Variants in PTPN18 observed in about 807,000 individuals in gnomAD.
The protein encoded by PTPN18 is tyrosine-protein phosphatase non-receptor type 18.
In PTPN18, 65 loss-of-function variants were observed where a neutral mutation model predicts 65.4. The ratio of observed to expected loss-of-function variants is 0.99; its 90% CI spans 0.81 to 1.22. The LOEUF is 1.22. Ranked by LOEUF, PTPN18 falls within the 50% of genes most tolerant of loss-of-function variation. The pLI is 0.00. For synonymous variants in PTPN18, 255 were observed against 267.8 expected (o/e 0.95, Z 0.47); for missense variants, 616 against 646.5 (o/e 0.95, Z 0.51).
chr2:130,364,101 T>G (rs933790699), intron 5 of PTPN18, among the ~76,000 whole-genome samples: 1 of 152,216 alleles, frequency 6.6e-6, no homozygotes, highest in Admixed American at 6.5e-5. Flanking sequence ...ATTTAAACCA[T>G]TTCAAGTGTA....
intron 11 of PTPN18, 80 bp downstream of exon 11, chr2:130,371,044 G>A (rs529858372): frequency 8.9e-6 from 13 of 1,460,484 alleles, no homozygotes; most frequent in Non-Finnish European, 1.1e-5. Flanking sequence ...TCCAGCCCCC[G>A]GGACTACTGG....
At chr2:130,370,024 T>G (rs756325211) in intron 7 of PTPN18, 24 bp from the exon 8 acceptor site, 3 of 1,611,728 alleles carry the variant, frequency 1.9e-6, no homozygotes. Context: ...CTAAGTCTTT[T>G]GCTCATCTTT....
At chr2:130,356,699 T>G (rs759771484) in intron 1 of PTPN18, 86 of 449,984 alleles carry the variant, frequency 1.9e-4, no homozygotes, top group Non-Finnish European at 8.9e-5. Context: ...CCGAATCCGC[T>G]TCCCGTCCCG....
chr2:130,369,209 G>A lies in PTPN18; in HGVS notation c.483+8G>A. The A allele has an allele frequency of 1.2e-6, 2 of 1,611,110 alleles. No individual in the cohort carries two copies. The highest frequency in any genetic ancestry group is 2.2e-5 in the East Asian group (1 of 44,818). On this transcript the variant is annotated splice_region_variant and intron_variant, in intron 6 of 14. Transcript: ENST00000175756. Reference sequence around the variant, plus strand: ...CTTTTCTGCATCACTCTGGTGAGCTGTGGGAGTTTTCAAGGAAGATTCCCA... The same window carrying A: ...CTTTTCTGCATCACTCTGGTGAGCTATGGGAGTTTTCAAGGAAGATTCCCA...
rs2104959521 is a variant in PTPN18 at position 130,374,137 on chromosome 2, T to C, written c.*913T>C. 1 of 153,656 alleles carries C rather than the reference T, an allele frequency of 6.5e-6. No individual in the cohort carries two copies. The highest frequency in any genetic ancestry group is 3.4e-3 in the Middle Eastern group (1 of 296). 9.5% of individuals were successfully genotyped at this position (153,656 alleles called of 1,614,324 possible). The stretch of plus-strand genomic sequence containing the variant: ...GATGTCTTGATGGATGGACCCCAGC[T>C]AGTCAGACATGATCCTCCAGATTGA... On this transcript the variant is annotated 3_prime_UTR_variant, in exon 15 of 15. Coordinates refer to ENST00000175756, the MANE Select transcript of PTPN18 (RefSeq NM_014369.4).
intron 14 of PTPN18, 44 bp downstream of exon 14, chr2:130,372,991 A>G: frequency 6.2e-7 from 1 of 1,609,140 alleles, no homozygotes; most frequent in Non-Finnish European, 8.5e-7. Context: ...TGCTGCTTTG[A>G]GTGAACCCAG....
At position 130,359,600 on chromosome 2, in the gene PTPN18, T is replaced by G. The variant is rs896670616; in HGVS notation, c.376-8T>G. The G allele has an allele frequency of 1.2e-6, 2 of 1,613,956 alleles. No homozygotes were observed. Among genetic ancestry groups the G allele is most frequent in the African/African-American group, 2.7e-5 (2 of 74,874 alleles). ...TCACCTTCCTCTCCCCTGACCCTCC[T>G]TGTCTAGGTGATCCTGATGGCCTGT... On this transcript the variant is annotated splice_polypyrimidine_tract_variant and splice_region_variant and intron_variant, in intron 4 of 14. Coordinates refer to ENST00000175756, the MANE Select transcript of PTPN18 (RefSeq NM_014369.4).
In PTPN18 at chr2:130,369,907, CTAG is replaced by C. The variant is rs1680498457; in HGVS notation, c.546+83_546+85del. 2.0e-6 allele frequency: 3 copies of C among 1,535,240 alleles called. No homozygotes were observed. In the East Asian group the frequency reaches 6.8e-5, roughly 35 times the overall value. ...CTCTCCTGTAAAAATGGGCATCATA[CTAG>C]TACCCACTTCCTCAGTTATTGTCTG... On this transcript the variant is annotated intron_variant, in intron 7 of 14. Transcript: ENST00000175756.
chr2:130,363,804 G>T (rs1680300773), intron 5 of PTPN18, among the ~76,000 whole-genome samples: 1 of 152,046 alleles, frequency 6.6e-6, no homozygotes, highest in South Asian at 2.1e-4. Context: ...GGTATTGCTG[G>T]GAATTGCTGG....
In PTPN18 at chr2:130,373,117, C is replaced by G; in HGVS notation, c.1316-40C>G. ...CATGTCTGCCAGCTTCCACACACCT[C>G]AGCTTCTCCATGAGACCCACGGCAC... On this transcript the variant is annotated intron_variant, in intron 14 of 14. Transcript: ENST00000175756. This position sits in a 1 kb window ranked among gnomAD's most constrained non-coding sequence, Gnocchi z 4.1. 3 of 1,556,308 alleles carry G rather than the reference C, an allele frequency of 1.9e-6. No individual in the cohort carries two copies. Among genetic ancestry groups the G allele is most frequent in the Non-Finnish European group, 2.6e-6 (3 of 1,148,072 alleles).
At chr2:130,365,377 G>A (rs1680347932) in intron 5 of PTPN18, among the ~76,000 whole-genome samples, 1 of 152,174 alleles carries the variant, frequency 6.6e-6, no homozygotes, top group Non-Finnish European at 1.5e-5. Flanking sequence ...TCGTCCATTT[G>A]TATATCTTCT....
chr2:130,372,491 G>A lies in PTPN18; in HGVS notation c.1240+8G>A. ...GGACGCTGCCTGGCCGCGGTGAGTC[G>A]AGGCTTGCTCCTTCTCAGGGCATCA... On this transcript the variant is annotated splice_region_variant and intron_variant, in intron 13 of 14. Coordinates refer to ENST00000175756, the MANE Select transcript of PTPN18 (RefSeq NM_014369.4). The A allele has an allele frequency of 1.4e-6, 2 of 1,384,440 alleles. No homozygotes were observed. Among genetic ancestry groups the A allele is most frequent in the Non-Finnish European group, 1.9e-6 (2 of 1,077,040 alleles). 85.8% of individuals were successfully genotyped at this position (1,384,440 alleles called of 1,614,324 possible).
chr2:130,360,178 TC>T (rs1680149063), intron 5 of PTPN18, among the ~76,000 whole-genome samples: 1 of 152,242 alleles, frequency 6.6e-6, no homozygotes, highest in Non-Finnish European at 1.5e-5. Context: ...GTCCTACTTT[TC>T]CTTCTTTCTT....
chr2:130,356,456 G>C, intron 1 of PTPN18: 4 of 533,860 alleles, frequency 7.5e-6, no homozygotes, highest in Non-Finnish European at 1.4e-5. Flanking sequence ...CTCGTTCCCG[G>C]TGTCCTCGTC....
chr2:130,370,344 C>A, intron 8 of PTPN18, 154 bp downstream of exon 8: 1 of 1,241,076 alleles, frequency 8.1e-7, no homozygotes, highest in Non-Finnish European at 1.1e-6. Context: ...ACTTGTTCAG[C>A]ACAGACTCAG....
At chr2:130,358,677 C>G (rs1044217626) in intron 1 of PTPN18, among the ~76,000 whole-genome samples, 190 bp from the exon 2 acceptor site, 2 of 152,164 alleles carry the variant, frequency 1.3e-5, no homozygotes, top group Non-Finnish European at 2.9e-5. Context: ...GAGAGTGGCA[C>G]AGAGAAGGTG....
Position 130,372,365 on chromosome 2 carries a change from G to T in PTPN18, c.1122G>T (p.Thr374=), listed in dbSNP as rs962114528. Residue 374 remains threonine, a synonymous_variant, in exon 13 of 15, where the codon ACG becomes ACT. Transcript: ENST00000175756. ...AGAGSGTQTG[T]GTGTGARSAE... is the part of the protein sequence containing the mutation. The stretch of plus-strand genomic sequence containing the variant: ...CCGGGAGTGGGACGCAGACGGGGAC[G>T]GGGACGGGGACGGGGGCGCGCAGCG... 4.4e-6 allele frequency: 6 copies of T among 1,363,234 alleles called. No individual in the cohort carries two copies. Among genetic ancestry groups the T allele is most frequent in the Admixed American group, 7.4e-5 (2 of 27,186 alleles). The allele number at this position is 1,363,234 out of a possible 1,614,324, so 84.4% of individuals were successfully genotyped here. A position where few individuals can be genotyped will look rare whatever the true frequency, so the allele number is the denominator to read the frequency against.
Position 130,370,120 on chromosome 2 carries a change from A to G in PTPN18, c.619A>G (p.Met207Val), listed in dbSNP as rs1039392809. 1 of 1,614,116 alleles carries G rather than the reference A, an allele frequency of 6.2e-7. No individual in the cohort carries two copies. Among genetic ancestry groups the G allele is most frequent in the Middle Eastern group, 1.6e-4 (1 of 6,062 alleles). Residue 207 changes from methionine (M) to valine (V), a missense_variant, in exon 8 of 15, where the codon ATG (methionine) becomes GTG (valine). Met to Val is a conservative substitution (Grantham distance 21). This residue lies in a region of PTPN18 where 368 missense variants were observed against 386.7 expected (regional missense o/e 0.95). Coordinates refer to ENST00000175756, the MANE Select transcript of PTPN18 (RefSeq NM_014369.4). ...DRGVPSSPDH[M>V]LAMVEEARRL... ...TGGGGTCCCCAGCAGTCCTGACCAC[A>G]TGCTCGCCATGGTGGAGGAAGCCCG...
intron 1 of PTPN18, among the ~76,000 whole-genome samples, 164 bp downstream of exon 1, chr2:130,356,364 C>A (rs995498592): frequency 6.6e-6 from 1 of 152,080 alleles, no homozygotes; most frequent in African/African-American, 2.4e-5. Context: ...CTCTGTCGCT[C>A]TTGCTGTCTC....
Sources: gnomAD v4.1 joint callset for allele counts (sites outside exome capture counted in the v4.1 genomes callset) on GRCh38, gnomAD v4.1.1 for gene constraint, gnomAD v4.1.1 regional missense constraint, Gnocchi (gnomAD v3.1) non-coding constraint, MANE v1.5 for transcripts, NCBI Gene and HGNC (gene_info 2026-07-23, HGNC 2026-07-21) for gene names.